KIF26B: variants seen among roughly 807,000 people sequenced by gnomAD.
KIF26B encodes the protein kinesin-like protein KIF26B.
A neutral mutation model predicts 151.2 loss-of-function variants in KIF26B; 63 were observed. The ratio of observed to expected loss-of-function variants is 0.42; its 90% confidence interval spans 0.34 to 0.51. The LOEUF is 0.51. Ranked by LOEUF, KIF26B falls within the 20% of genes least tolerant of loss-of-function variation. KIF26B has a pLI of 0.07. For missense variants in KIF26B, 2,813 were observed against 2,913.6 expected, an observed-to-expected ratio of 0.97 and a Z score of 0.79; for synonymous variants, 1,357 against 1,262.1, an observed-to-expected ratio of 1.08 and a Z score of -1.59.
At chr1:245,528,388 G>C (rs1661288230) in intron 4 of KIF26B, among the ~76,000 whole-genome samples, 1 of 152,168 alleles carries the variant, frequency 6.6e-6, no homozygotes, top group Non-Finnish European at 1.5e-5. Flanking sequence ...GATAGTGTGA[G>C]GGATCCTGCC....
chr1:245,687,672 G>A lies in KIF26B; in HGVS notation c.4689G>A (p.Gly1563=), dbSNP rs1183123280. The change falls in exon 12 of 15, where the codon GGG becomes GGA. Residue 1563 remains glycine (G), a synonymous_variant. Transcript: ENST00000407071. The surrounding 1 kb of genome is among the most constrained non-coding windows in gnomAD (Gnocchi z 4.9). ...LSYYCAAETN[G]VGAASGTPPS... ...ATTACTGCGCTGCTGAGACCAACGG[G>A]GTGGGTGCAGCCTCGGGCACCCCGC... 3 of 1,577,948 alleles carry A rather than the reference G, an allele frequency of 1.9e-6. No homozygotes were observed. Among genetic ancestry groups the A allele is most frequent in the Admixed American group, 1.8e-5 (1 of 55,516 alleles).
chr1:245,491,538 G>A (rs570455206), intron 4 of KIF26B, among the ~76,000 whole-genome samples: 13 of 152,306 alleles, frequency 8.5e-5, no homozygotes, highest in Middle Eastern at 3.4e-3. Flanking sequence ...TAGCCTGAGC[G>A]GGAAACACTG....
At chr1:245,303,237 C>G (rs1409904318) in intron 2 of KIF26B, among the ~76,000 whole-genome samples, 1 of 123,530 alleles carries the variant, frequency 8.1e-6, no homozygotes, top group Non-Finnish European at 1.6e-5. Context: ...CTCGCTTTGT[C>G]GCCCAGGCCG....
chr1:245,557,540 A>G (rs919412631), intron 5 of KIF26B, among the ~76,000 whole-genome samples: 1 of 152,180 alleles, frequency 6.6e-6, no homozygotes, highest in African/African-American at 2.4e-5. Flanking sequence ...AAAGTGGGGT[A>G]TGAGGCCCGG....
At chr1:245,510,989 CA>C in intron 4 of KIF26B, 2 of 672,418 alleles carry the variant, frequency 3.0e-6, no homozygotes, top group South Asian at 3.3e-5. Flanking sequence ...CACCTTCGCA[CA>C]ATTTTACTTT....
intron 2 of KIF26B, among the ~76,000 whole-genome samples, chr1:245,251,573 G>A (rs1670445428): frequency 6.6e-6 from 1 of 152,126 alleles, no homozygotes; most frequent in South Asian, 2.1e-4. Flanking sequence ...ATTTAAGACT[G>A]TAACCTAACT....
rs1169297987 is a variant in KIF26B, at chr1:245,516,534, T to C, written c.1167-24233T>C. Among the ~76,000 whole-genome samples the C allele has an allele frequency of 6.6e-6, 1 of 152,128 alleles. No individual in the cohort carries two copies. Among genetic ancestry groups the C allele is most frequent in the Non-Finnish European group, 1.5e-5 (1 of 68,012 alleles). ...ACACTGTGGGTCTATTATTCGCCTC[T>C]TCAGATCCAGCCCAGGAGTTGGTGC... On this transcript the variant is annotated intron_variant, in intron 4 of 14. Coordinates refer to ENST00000407071, the MANE Select transcript of KIF26B (RefSeq NM_018012.4). This position sits in a 1 kb window ranked among gnomAD's most constrained non-coding sequence, Gnocchi z 4.2.
intron 2 of KIF26B, among the ~76,000 whole-genome samples, chr1:245,284,382 GTAT>G (rs10603511): frequency 0.59 from 89,919 of 151,582 alleles, 27,041 homozygotes; most frequent in East Asian, 0.7. Flanking sequence ...GATACCTGGA[GTAT>G]TATTACCAGC....
chr1:245,539,035 T>C (rs985706703), intron 4 of KIF26B, among the ~76,000 whole-genome samples: 2 of 152,190 alleles, frequency 1.3e-5, no homozygotes, highest in Non-Finnish European at 2.9e-5. Context: ...GGTTTTTCTT[T>C]TCACTGATTG....
At chr1:245,694,253 TG>T (rs745971605) in intron 12 of KIF26B, among the ~76,000 whole-genome samples, 2 of 152,368 alleles carry the variant, frequency 1.3e-5, no homozygotes, top group East Asian at 1.9e-4. Flanking sequence ...GGCCCCTTCC[TG>T]GTCAACAAAA....
intron 2 of KIF26B, among the ~76,000 whole-genome samples, chr1:245,182,060 T>C (rs900144504): frequency 1.3e-5 from 2 of 152,324 alleles, no homozygotes; most frequent in Non-Finnish European, 2.9e-5. Flanking sequence ...ATCATTCTTC[T>C]ATAAAAAATG....
At chr1:245,587,530 C>T (rs187926886) in intron 5 of KIF26B, among the ~76,000 whole-genome samples, 194 of 152,290 alleles carry the variant, frequency 1.3e-3, no homozygotes, top group African/African-American at 4.4e-3. Context: ...GCCATTGTTC[C>T]GTCCCGTCTG....
At position 245,408,144 on chromosome 1, in the gene KIF26B, G is replaced by T. The variant is rs562062498; in HGVS notation, c.1000-11435G>T. Among the ~76,000 whole-genome samples the T allele has an allele frequency of 3.3e-5, 5 of 152,196 alleles. No individual in the cohort carries two copies. In the East Asian group the frequency reaches 9.7e-4, roughly 29 times the overall value. Reference sequence around the variant, plus strand: ...TGACATCAGGGTTGAGTTGATTAGGGTTGTGATTCCATCTTGACTACTCAG... The same window carrying T: ...TGACATCAGGGTTGAGTTGATTAGGTTTGTGATTCCATCTTGACTACTCAG... On this transcript the variant is annotated intron_variant, in intron 3 of 14. Transcript: ENST00000407071.
At position 245,359,050 on chromosome 1, in the gene KIF26B, G is replaced by A. The variant is rs148009471; in HGVS notation, c.466-7784G>A. Among the ~76,000 whole-genome samples the A allele has an allele frequency of 9.1e-3, 1,375 of 151,310 alleles. 21 individuals carry two copies. Among genetic ancestry groups the A allele is most frequent in the East Asian group, 0.039 (201 of 5,116 alleles). On this transcript the variant is annotated intron_variant, in intron 2 of 14. Transcript: ENST00000407071. ...TTTTTTTTTCTTGAGATGGAGTCACGCTCTGTTGCTCAGGCTGGAGTGCAG... is the reference window on the plus strand; with the variant it reads ...TTTTTTTTTCTTGAGATGGAGTCACACTCTGTTGCTCAGGCTGGAGTGCAG...
chr1:245,217,823 C>T (rs1162177248), intron 2 of KIF26B, among the ~76,000 whole-genome samples: 1 of 152,048 alleles, frequency 6.6e-6, no homozygotes, highest in East Asian at 1.9e-4. Flanking sequence ...AGCACAGGTC[C>T]GCAGAACAGT....
At chr1:245,692,021 G>C (rs113665630) in intron 12 of KIF26B, among the ~76,000 whole-genome samples, 4 of 152,196 alleles carry the variant, frequency 2.6e-5, no homozygotes, top group Non-Finnish European at 5.9e-5. Flanking sequence ...CAAGTAAAAC[G>C]AGAAGATTGA....
chr1:245,433,815 C>G (rs1248731487), intron 4 of KIF26B, among the ~76,000 whole-genome samples: 1 of 152,018 alleles, frequency 6.6e-6, no homozygotes, highest in Non-Finnish European at 1.5e-5. Context: ...AAATAATGGC[C>G]CATGTCATTT....
chr1:245,598,822 C>T (rs917099470), intron 5 of KIF26B, among the ~76,000 whole-genome samples: 7 of 152,152 alleles, frequency 4.6e-5, no homozygotes, highest in Non-Finnish European at 1.0e-4. Context: ...CAGGGCAGAG[C>T]GAGGTCCCGA....
At chr1:245,193,022 TTGAGA>T (rs1392169303) in intron 2 of KIF26B, among the ~76,000 whole-genome samples, 3 of 152,230 alleles carry the variant, frequency 2.0e-5, no homozygotes, top group African/African-American at 7.2e-5. Flanking sequence ...TAGGTAGTTT[TTGAGA>T]CTCACCCTTC....
Sources: gnomAD v4.1 joint callset for allele counts (sites outside exome capture counted in the v4.1 genomes callset) on GRCh38, gnomAD v4.1.1 for gene constraint, Gnocchi (gnomAD v3.1) non-coding constraint, MANE v1.5 for transcripts, NCBI Gene and HGNC (gene_info 2026-07-23, HGNC 2026-07-21) for gene names.